The following IMPG2 variants were observed in gnomAD, a reference collection of about 807,000 sequenced individuals.
The protein encoded by IMPG2 is IPM 200.
Under a neutral mutation model 129.2 loss-of-function variants are expected in IMPG2, and 91 were observed. That is an observed-to-expected ratio of 0.70 (90% CI 0.59 to 0.84). The LOEUF (loss-of-function observed/expected upper bound fraction) is 0.84, where lower values mean the gene tolerates loss of function less well. Among genes scored for constraint, IMPG2 ranks in the 40% least tolerant of loss-of-function variants. IMPG2 has a pLI of 0.00. For missense variants in IMPG2, 1,430 were observed against 1,461.7 expected (o/e 0.98, Z 0.35); for synonymous variants, 510 against 517.7 (o/e 0.99, Z 0.20).
intron 2 of IMPG2, among the ~76,000 whole-genome samples, chr3:101,309,589 AC>A (rs1344550755): frequency 2.0e-5 from 3 of 151,734 alleles, no homozygotes; most frequent in African/African-American, 4.8e-5. Context: ...TGGGGGAACC[AC>A]CCCCCATGAT....
At chr3:101,229,971 T>G (rs1706268550) in intron 16 of IMPG2, among the ~76,000 whole-genome samples, 1 of 152,192 alleles carries the variant, frequency 6.6e-6, no homozygotes, top group Non-Finnish European at 1.5e-5. Flanking sequence ...CTGACTGAAA[T>G]ATAAATATTA....
intron 9 of IMPG2, among the ~76,000 whole-genome samples, chr3:101,261,216 C>G (rs897656564): frequency 6.6e-5 from 10 of 151,990 alleles, no homozygotes; most frequent in Admixed American, 5.2e-4. Context: ...CGGATTTTTG[C>G]ACAACCTATT....
At chr3:101,263,189 A>G (rs1706688527) in intron 9 of IMPG2, among the ~76,000 whole-genome samples, 1 of 152,004 alleles carries the variant, frequency 6.6e-6, no homozygotes, top group Non-Finnish European at 1.5e-5. Flanking sequence ...ACTGCACCAC[A>G]GACTAAGTGG....
Position 101,226,876 on chromosome 3 carries a change from A to T in IMPG2, c.*93T>A. On this transcript the variant is annotated 3_prime_UTR_variant, in exon 19 of 19. Coordinates refer to ENST00000193391, the MANE Select transcript of IMPG2 (RefSeq NM_016247.4). ...TTTCATAGAAAACTCTTCTTCCAAC[A>T]GTGTTTAAAATCCAGGTTAATTATA... The T allele has an allele frequency of 7.6e-7, 1 of 1,317,204 alleles. No homozygotes were observed. The highest frequency in any genetic ancestry group is 1.1e-6 in the Non-Finnish European group (1 of 917,824). 81.6% of individuals were successfully genotyped at this position (1,317,204 alleles called of 1,614,324 possible).
At chr3:101,235,562 T>C (rs964207373) in intron 14 of IMPG2, among the ~76,000 whole-genome samples, 6 of 152,198 alleles carry the variant, frequency 3.9e-5, no homozygotes, top group Non-Finnish European at 1.5e-5. Context: ...TATAGCCTTT[T>C]TGCTTCCAGG....
At chr3:101,299,570 A>G (rs535779) in intron 3 of IMPG2, among the ~76,000 whole-genome samples, 137,816 of 152,236 alleles carry the variant, frequency 0.91, 62,511 homozygotes, top group East Asian at 1. Flanking sequence ...CCTTGGATTG[A>G]GTTTTTGTAG....
chr3:101,311,745 G>A (rs1707265138), intron 2 of IMPG2, among the ~76,000 whole-genome samples: 2 of 152,070 alleles, frequency 1.3e-5, no homozygotes, highest in Non-Finnish European at 2.9e-5. Context: ...AAGGGACCTA[G>A]AATAGCCAAA....
Position 101,308,820 on chromosome 3 carries a change from T to C in IMPG2, c.335-4508A>G, listed in dbSNP as rs147271528. Among the ~76,000 whole-genome samples the C allele has an allele frequency of 3.0e-3, 460 of 152,344 alleles. 1 individual carries two copies. Among genetic ancestry groups the C allele is most frequent in the Non-Finnish European group, 5.1e-3 (347 of 68,030 alleles). ...ATTTTCTAAACTTTTATGCTGTGCT[T>C]CCCTTTTAAACATAACTTTCAATTC... On this transcript the variant is annotated intron_variant, in intron 2 of 18. Transcript: ENST00000193391.
Position 101,319,825 on chromosome 3 carries a change from GGTTT to G in IMPG2, c.89_92del (p.Gln30ProfsTer5). ...CTTGGATCTCCTCTATAGATAAGTA[GGTTT>G]GTGCTACAGAGTGAAAGTATAGTCA... On this transcript the variant is annotated frameshift_variant, in exon 2 of 19. Coordinates refer to ENST00000193391, the MANE Select transcript of IMPG2 (RefSeq NM_016247.4). LOFTEE classifies it high-confidence loss of function. The G allele has an allele frequency of 1.2e-6, 2 of 1,611,592 alleles. No homozygotes were observed. Among genetic ancestry groups the G allele is most frequent in the East Asian group, 4.5e-5 (2 of 44,852 alleles).
chr3:101,266,564 T>C (rs1340185523), intron 9 of IMPG2, among the ~76,000 whole-genome samples: 1 of 152,168 alleles, frequency 6.6e-6, no homozygotes, highest in South Asian at 2.1e-4. Context: ...TTAAATTGCG[T>C]GCTTATATCT....
intron 9 of IMPG2, among the ~76,000 whole-genome samples, chr3:101,259,568 G>C (rs1706647849): frequency 6.6e-6 from 1 of 150,554 alleles, no homozygotes; most frequent in Non-Finnish European, 1.5e-5. Flanking sequence ...GTGCCTACTA[G>C]ATGAACAGAA....
At chr3:101,311,342 T>C (rs1432177637) in intron 2 of IMPG2, among the ~76,000 whole-genome samples, 1 of 152,108 alleles carries the variant, frequency 6.6e-6, no homozygotes, top group Non-Finnish European at 1.5e-5. Flanking sequence ...ACTTTAAAAC[T>C]ATTTGAACTA....
intron 11 of IMPG2, among the ~76,000 whole-genome samples, chr3:101,249,167 T>TG: frequency 6.6e-6 from 1 of 152,308 alleles, no homozygotes. Context: ...TTCCCACTGT[T>TG]GTTAGTCTCT....
intron 6 of IMPG2, among the ~76,000 whole-genome samples, chr3:101,275,139 T>G (rs1706827500): frequency 6.6e-6 from 1 of 152,140 alleles, no homozygotes; most frequent in Non-Finnish European, 1.5e-5. Flanking sequence ...TAACAAAATG[T>G]TTCTATATTC....
At chr3:101,229,300 A>ACCCCCCCCCCCCCCCCCCCGGGGGCCC in intron 17 of IMPG2, 80 bp downstream of exon 17, 1 of 859,118 alleles carries the variant, frequency 1.2e-6, no homozygotes, top group Non-Finnish European at 1.9e-6. Flanking sequence ...ACTCATACAC[A>ACCCCCCCCCCCCCCCCCCCGGGGGCCC]CCCCCACCCA....
At chr3:101,315,254 A>C (rs1406164036) in intron 2 of IMPG2, among the ~76,000 whole-genome samples, 1 of 152,186 alleles carries the variant, frequency 6.6e-6, no homozygotes, top group Non-Finnish European at 1.5e-5. Flanking sequence ...TGGTGATGCC[A>C]CTGTTCTGTT....
At chr3:101,258,278 T>C (rs758139050) in intron 9 of IMPG2, among the ~76,000 whole-genome samples, 1 of 152,152 alleles carries the variant, frequency 6.6e-6, no homozygotes, top group Non-Finnish European at 1.5e-5. Context: ...AAATTGATGA[T>C]TATTTTCCTT....
intron 2 of IMPG2, among the ~76,000 whole-genome samples, chr3:101,310,188 G>C (rs548938275): frequency 1.5e-4 from 23 of 152,256 alleles, no homozygotes; most frequent in African/African-American, 5.3e-4. Flanking sequence ...CAAATATTGA[G>C]CTCTAGTTAA....
intron 7 of IMPG2, among the ~76,000 whole-genome samples, chr3:101,270,078 C>T (rs547289975): frequency 1.3e-5 from 2 of 151,940 alleles, no homozygotes; most frequent in East Asian, 3.9e-4. Context: ...TTAGGAATTA[C>T]AGGTGTGCGC....
Sources: allele counts gnomAD v4.1 joint callset (sites outside exome capture counted in the v4.1 genomes callset), GRCh38; gene constraint gnomAD v4.1.1; transcripts MANE v1.5; gene names NCBI Gene and HGNC (gene_info 2026-07-23, HGNC 2026-07-21).